Variants in ASB14 observed in about 807,000 individuals in gnomAD.
ASB14 encodes the protein ankyrin repeat and SOCS box containing 14, also known as ankyrin repeat and SOCS box protein 14.
A neutral mutation model predicts 55.6 loss-of-function variants in ASB14; 63 were observed. The ratio of observed to expected loss-of-function variants is 1.13; its 90% CI spans 0.92 to 1.40. The LOEUF is 1.40. Ranked by LOEUF, ASB14 falls within the 40% of genes most tolerant of loss-of-function variation. The pLI is 0.00. For missense variants in ASB14, 724 were observed against 710.4 expected (o/e 1.02, Z -0.22); for synonymous variants, 256 against 259.9 (o/e 0.98, Z 0.15).
chr3:57,275,055 T>C (rs2060975493), intron 10 of ASB14, among the ~76,000 whole-genome samples: 1 of 152,190 alleles, frequency 6.6e-6, no homozygotes, highest in South Asian at 2.1e-4. Flanking sequence ...TCCTGAGTCA[T>C]GTACTGGGGT....
chr3:57,287,601 C>T (rs2061090160), intron 5 of ASB14, among the ~76,000 whole-genome samples: 1 of 152,174 alleles, frequency 6.6e-6, no homozygotes, highest in Admixed American at 6.5e-5. Context: ...TTTCAGCTGC[C>T]TGCCCTTCAC....
intron 5 of ASB14, among the ~76,000 whole-genome samples, chr3:57,287,516 T>C (rs893487297): frequency 6.6e-6 from 1 of 152,198 alleles, no homozygotes; most frequent in Admixed American, 6.5e-5. Context: ...ACCTCCAGGA[T>C]TCTGCTGGGG....
chr3:57,270,989 A>G (rs1194064981), intron 10 of ASB14: 1 of 152,148 alleles, frequency 6.6e-6, no homozygotes, highest in East Asian at 1.9e-4. Context: ...GCTAATAGAA[A>G]TTATGTTTTC....
intron 5 of ASB14, among the ~76,000 whole-genome samples, chr3:57,285,806 C>A (rs1436276156): frequency 3.3e-5 from 5 of 152,130 alleles, no homozygotes; most frequent in African/African-American, 1.2e-4. Context: ...CCAATCTGGA[C>A]CTCAGTGCCT....
chr3:57,269,515 AGTTT>A lies in ASB14; in HGVS notation c.*122_*125del. The A allele has an allele frequency of 6.2e-7, 1 of 1,609,556 alleles. No individual in the cohort carries two copies. Among genetic ancestry groups the A allele is most frequent in the Non-Finnish European group, 8.5e-7 (1 of 1,177,902 alleles). On this transcript the variant is annotated 3_prime_UTR_variant, in exon 11 of 11. Transcript: ENST00000487349. ...CCATTTGACTGCAGACAAGTAACTT[AGTTT>A]CTTTTTTGTCTTTTCCACTAGGACT... is the stretch of plus-strand genomic sequence containing the variant.
rs1475835578 is a variant in ASB14 at position 57,280,451 on chromosome 3, G to A, written c.738C>T (p.Ala246=). ...LRKGANAHGQ[A]SDSSSILLEA... is the part of the protein sequence containing the mutation. ...CAAGTAAGATGGAAGAAGAATCAGA[G>A]GCCTGACCATGAGCATTAGCTCCTA... The change falls in exon 7 of 11, where the codon GCC becomes GCT. Residue 246 remains alanine (A), a synonymous_variant. Transcript: ENST00000487349. 23 of 1,550,964 alleles carry A rather than the reference G, an allele frequency of 1.5e-5. No homozygotes were observed. The highest frequency in any genetic ancestry group is 2.0e-5 in the Non-Finnish European group (23 of 1,146,582).
At position 57,276,709 on chromosome 3, in the gene ASB14, T is replaced by C. The variant is rs750665339; in HGVS notation, c.1605A>G (p.Lys535=). ...TCCGGATCTTTAGGCGGCACAAATG[T>C]TTTAGGGAGCGAGGGTTTGCTAAAA... ...HFILTNPRSL[K]HLCRLKIRKC... Residue 535 remains lysine (K), a synonymous_variant, in exon 10 of 11, where the codon AAA becomes AAG. Transcript: ENST00000487349. The C allele has an allele frequency of 5.6e-6, 9 of 1,612,714 alleles. No homozygotes were observed. In the African/African-American group the frequency reaches 1.2e-4, roughly 22 times the overall value.
chr3:57,278,872 C>T lies in ASB14; in HGVS notation c.936G>A (p.Gln312=). Residue 312 remains glutamine, a synonymous_variant, in exon 8 of 11, where the codon CAG becomes CAA. Coordinates refer to ENST00000487349, the MANE Select transcript of ASB14 (RefSeq NM_001142733.3). The part of the protein sequence containing the change: ...IPVTDLAAIK[Q]SGISPVHCAA... ...CACAGTGAACTGGACTGATCCCACT[C>T]TGCTTAATGGCAGCAAGATCCGTAA... 1 of 1,613,808 alleles carries T rather than the reference C, an allele frequency of 6.2e-7. No homozygotes were observed. Among genetic ancestry groups the T allele is most frequent in the Non-Finnish European group, 8.5e-7 (1 of 1,179,982 alleles).
Position 57,283,883 on chromosome 3 carries a change from T to C in ASB14, c.470-444A>G, listed in dbSNP as rs563619672. ...ACAGAATCTACCCCCAGAAAATGAA[T>C]GACTAAAACACAATTTAAATATGCA... On this transcript the variant is annotated intron_variant, in intron 5 of 10. Coordinates refer to ENST00000487349, the MANE Select transcript of ASB14 (RefSeq NM_001142733.3). Among the ~76,000 whole-genome samples the C allele has an allele frequency of 9.9e-5, 15 of 151,382 alleles. No homozygotes were observed. The East Asian group carries it at 2.7e-3, about 27-fold the overall frequency.
intron 5 of ASB14, among the ~76,000 whole-genome samples, chr3:57,287,408 T>C (rs1044825062): frequency 6.6e-6 from 1 of 152,080 alleles, no homozygotes; most frequent in African/African-American, 2.4e-5. Context: ...GTCTCAATTA[T>C]GTTTGCTTAA....
intron 10 of ASB14, chr3:57,273,337 ATG>A (rs2060959752): frequency 6.6e-6 from 1 of 152,646 alleles, no homozygotes; most frequent in Non-Finnish European, 1.5e-5. Context: ...ATTGGTATAC[ATG>A]TGGGGTGGAG....
In ASB14 at chr3:57,268,701, T is replaced by A. The variant is rs1194139167; in HGVS notation, c.*940A>T. 1 of 341,024 alleles carries A rather than the reference T, an allele frequency of 2.9e-6. No homozygotes were observed. The highest frequency in any genetic ancestry group is 5.0e-6 in the Non-Finnish European group (1 of 199,462). 21.1% of individuals were successfully genotyped at this position (341,024 alleles called of 1,614,324 possible). ...TACGTTGACATGTAATATGACTGTT[T>A]CAAAAATATACCAGAACTTTAATAT... is the stretch of plus-strand genomic sequence containing the variant. On this transcript the variant is annotated 3_prime_UTR_variant, in exon 11 of 11. Coordinates refer to ENST00000487349, the MANE Select transcript of ASB14 (RefSeq NM_001142733.3).
At chr3:57,269,712 C>T (rs748372796) in intron 10 of ASB14, 94 bp from the exon 11 acceptor site, 1 of 1,610,210 alleles carries the variant, frequency 6.2e-7, no homozygotes, top group South Asian at 1.1e-5. Flanking sequence ...TAGATATTCC[C>T]CCTTGGAATT....
Position 57,278,578 on chromosome 3 carries a change from G to A in ASB14, c.1230C>T (p.Ala410=), listed in dbSNP as rs1027313935. The change falls in exon 8 of 11, where the codon GCC becomes GCT. Residue 410 remains alanine, a synonymous_variant. Transcript: ENST00000487349. ...ELISLLLRHG[A]NVNYFCRVNP... ...TAACTCTGCAGAAGTAATTGACATT[G>A]GCCCCATGCCTTAGCAGCAGACTGA... is the stretch of plus-strand genomic sequence containing the variant. 2.5e-6 allele frequency: 4 copies of A among 1,614,158 alleles called. No homozygotes were observed. Among genetic ancestry groups the A allele is most frequent in the Non-Finnish European group, 3.4e-6 (4 of 1,180,026 alleles).
chr3:57,269,480 G>A lies in ASB14; in HGVS notation c.*161C>T, dbSNP rs1011814601. ...TGGCTCTCAAGAATGTATCTTAACT[G>A]CATAATTTGCCATTTGACTGCAGAC... On this transcript the variant is annotated 3_prime_UTR_variant, in exon 11 of 11. Transcript: ENST00000487349. 6 of 1,579,242 alleles carry A rather than the reference G, an allele frequency of 3.8e-6. No homozygotes were observed. The highest frequency in any genetic ancestry group is 2.3e-5 in the South Asian group (2 of 87,490).
chr3:57,285,625 C>CT (rs1340424803), intron 5 of ASB14, among the ~76,000 whole-genome samples: 1 of 152,118 alleles, frequency 6.6e-6, no homozygotes, highest in African/African-American at 2.4e-5. Flanking sequence ...TTATGCACAT[C>CT]TTTTTGTTTT....
At chr3:57,291,298 GAA>G (rs2061126303) in intron 2 of ASB14, among the ~76,000 whole-genome samples, 1 of 152,124 alleles carries the variant, frequency 6.6e-6, no homozygotes, top group Admixed American at 6.5e-5. Context: ...TATCACCCCT[GAA>G]AAAATGATGG....
At chr3:57,289,687 C>CTTTTTTTTTTTTTTT (rs34419265) in intron 2 of ASB14, among the ~76,000 whole-genome samples, 2 of 100,290 alleles carry the variant, frequency 2.0e-5, no homozygotes, top group South Asian at 4.3e-4. Flanking sequence ...ACCTTCCATT[C>CTTTTTTTTTTTTTTT]TTTTTTTTTT....
chr3:57,268,533 C>T lies in ASB14; in HGVS notation c.*1108G>A. 6.5e-7 allele frequency: 1 copy of T among 1,526,806 alleles called. No homozygotes were observed. The highest frequency in any genetic ancestry group is 8.8e-7 in the Non-Finnish European group (1 of 1,141,330). The allele number at this position is 1,526,806 out of a possible 1,614,324, so 94.6% of individuals were successfully genotyped here. ...GATCTTTATGTGTTGTTTGTGAAGACTTAATTCAGCACTATGACTTTCAGA... is the reference window on the plus strand; with the variant it reads ...GATCTTTATGTGTTGTTTGTGAAGATTTAATTCAGCACTATGACTTTCAGA... On this transcript the variant is annotated 3_prime_UTR_variant, in exon 11 of 11. Coordinates refer to ENST00000487349, the MANE Select transcript of ASB14 (RefSeq NM_001142733.3).
Sources: gnomAD v4.1 joint callset for allele counts (sites outside exome capture counted in the v4.1 genomes callset) on GRCh38, gnomAD v4.1.1 for gene constraint, MANE v1.5 for transcripts, NCBI Gene and HGNC (gene_info 2026-07-23, HGNC 2026-07-21) for gene names.